Variants in SETD3 observed in about 807,000 individuals in gnomAD.
SETD3 encodes actin-histidine N-methyltransferase.
SETD3 carries 19 observed loss-of-function variants against 63.0 expected under a neutral mutation model. The ratio of observed to expected loss-of-function variants is 0.30; its 90% CI spans 0.21 to 0.44. The LOEUF is 0.44. Ranked by LOEUF, SETD3 falls within the 20% of genes least tolerant of loss-of-function variation. The pLI is 1.00. For missense variants in SETD3, 587 were observed against 728.5 expected, an observed-to-expected ratio of 0.81 and a Z score of 2.24; for synonymous variants, 286 against 264.1, an observed-to-expected ratio of 1.08 and a Z score of -0.80.
At chr14:99,473,176 T>C in intron 1 of SETD3, among the ~76,000 whole-genome samples, 1 of 152,226 alleles carries the variant, frequency 6.6e-6, no homozygotes, top group African/African-American at 2.4e-5. Flanking sequence ...CAGGGGCATC[T>C]GTAATCAACC....
At chr14:99,419,164 G>C (rs1205127026) in intron 6 of SETD3, among the ~76,000 whole-genome samples, 1 of 151,796 alleles carries the variant, frequency 6.6e-6, no homozygotes, top group Non-Finnish European at 1.5e-5. Context: ...AACTCTTCAG[G>C]GAATTTTTCA....
rs1226427707 is a variant in SETD3, at chr14:99,397,926, C to A, written c.*753G>T. 2 of 152,458 alleles carry A rather than the reference C, an allele frequency of 1.3e-5. 1 individual carries two copies. The highest frequency in any genetic ancestry group is 4.1e-4 in the South Asian group (2 of 4,820). 9.4% of individuals were successfully genotyped at this position (152,458 alleles called of 1,614,324 possible). Reference sequence around the variant, plus strand: ...ATTACCAAGGCTGGAATCAAATGCACCACTTTAAAATCAGAGCCAACATTT... The same window carrying A: ...ATTACCAAGGCTGGAATCAAATGCAACACTTTAAAATCAGAGCCAACATTT... On this transcript the variant is annotated 3_prime_UTR_variant, in exon 13 of 13. Coordinates refer to ENST00000331768, the MANE Select transcript of SETD3 (RefSeq NM_032233.3).
At chr14:99,402,749 A>AC in intron 11 of SETD3, among the ~76,000 whole-genome samples, 1 of 152,268 alleles carries the variant, frequency 6.6e-6, no homozygotes, top group Admixed American at 6.5e-5. Flanking sequence ...GCTAATACTT[A>AC]CCCTCTTTGA....
chr14:99,413,740 G>A, intron 7 of SETD3, 136 bp downstream of exon 7: 1 of 781,278 alleles, frequency 1.3e-6, no homozygotes, highest in Non-Finnish European at 2.1e-6. Context: ...GATAACTTCT[G>A]AAAGATGAGC....
chr14:99,469,781 A>C (rs946240530), intron 1 of SETD3, among the ~76,000 whole-genome samples: 7 of 152,264 alleles, frequency 4.6e-5, no homozygotes, highest in African/African-American at 1.4e-4. Flanking sequence ...ATAGTGCACG[A>C]ATTCATGGAC....
intron 1 of SETD3, among the ~76,000 whole-genome samples, chr14:99,480,257 G>A (rs1052547916): frequency 6.6e-6 from 1 of 152,092 alleles, no homozygotes; most frequent in South Asian, 2.1e-4. Context: ...GAGGAAGGAA[G>A]GAAATGGGAG....
intron 6 of SETD3, among the ~76,000 whole-genome samples, chr14:99,454,268 C>T (rs781697842): frequency 3.9e-5 from 6 of 152,028 alleles, no homozygotes; most frequent in Non-Finnish European, 7.4e-5. Flanking sequence ...TAGATCACTG[C>T]AGCCTTGACC....
chr14:99,468,196 A>G (rs1466335057), intron 1 of SETD3, among the ~76,000 whole-genome samples: 1 of 147,976 alleles, frequency 6.8e-6, no homozygotes, highest in Admixed American at 6.7e-5. Context: ...CAGGTCTTCC[A>G]GATCAAATAC....
chr14:99,418,345 A>T (rs1402518863), intron 6 of SETD3, among the ~76,000 whole-genome samples: 1 of 152,116 alleles, frequency 6.6e-6, no homozygotes, highest in African/African-American at 2.4e-5. Flanking sequence ...CATACATTAA[A>T]AGAGATAGTC....
intron 6 of SETD3, among the ~76,000 whole-genome samples, chr14:99,445,823 A>C (rs1032746111): frequency 6.6e-6 from 1 of 152,254 alleles, no homozygotes; most frequent in Admixed American, 6.5e-5. Context: ...GTCCCAGAGG[A>C]TAGAGAATCT....
intron 8 of SETD3, among the ~76,000 whole-genome samples, chr14:99,410,693 A>G (rs1470011253): frequency 6.6e-6 from 1 of 152,352 alleles, no homozygotes; most frequent in East Asian, 1.9e-4. Flanking sequence ...CTGAGTGGCT[A>G]GGAAATTAGT....
rs143767093 is a variant in SETD3, at chr14:99,406,560, G to T, written c.880C>A (p.Arg294Ser). Reference sequence around the variant, plus strand: ...TCCTGCAGAGCCACACACTCACAGCGGTCATCTTCCAGGTTGTAACCAGTA... The same window carrying T: ...TCCTGCAGAGCCACACACTCACAGCTGTCATCTTCCAGGTTGTAACCAGTA... Reference protein sequence around the residue: ...ITTGYNLEDDRCECVALQDFR... With the variant: ...ITTGYNLEDDSCECVALQDFR... Residue 294 changes from arginine to serine, a missense_variant, in exon 9 of 13, where the codon CGC becomes AGC. Transcript: ENST00000331768. The T allele has an allele frequency of 2.5e-6, 4 of 1,614,044 alleles. No homozygotes were observed. The highest frequency in any genetic ancestry group is 3.4e-6 in the Non-Finnish European group (4 of 1,180,044).
intron 6 of SETD3, among the ~76,000 whole-genome samples, chr14:99,419,781 A>G (rs531133313): frequency 4.7e-4 from 70 of 150,096 alleles, no homozygotes; most frequent in African/African-American, 1.6e-3. Context: ...TCTCAAAAAA[A>G]AAAACAAAAA....
At chr14:99,477,606 T>C (rs538287731) in intron 1 of SETD3, among the ~76,000 whole-genome samples, 4 of 151,920 alleles carry the variant, frequency 2.6e-5, no homozygotes, top group African/African-American at 7.2e-5. Context: ...AATACAAAAT[T>C]AGCCAGGCGT....
At chr14:99,407,273 G>C (rs552081602) in intron 8 of SETD3, among the ~76,000 whole-genome samples, 1 of 152,022 alleles carries the variant, frequency 6.6e-6, no homozygotes, top group Non-Finnish European at 1.5e-5. Context: ...CTCCTTCTAA[G>C]CTCCCCCGTC....
At chr14:99,423,398 T>A (rs1415603001) in intron 6 of SETD3, among the ~76,000 whole-genome samples, 2 of 151,862 alleles carry the variant, frequency 1.3e-5, no homozygotes, top group African/African-American at 4.8e-5. Context: ...TAGAATGGTA[T>A]TATAGTAAGT....
intron 8 of SETD3, among the ~76,000 whole-genome samples, chr14:99,406,892 T>C (rs1314942040): frequency 2.0e-5 from 3 of 152,240 alleles, no homozygotes; most frequent in African/African-American, 7.2e-5. Context: ...TGGGCCTCCC[T>C]GGTGGCAGTG....
chr14:99,402,323 C>G (rs1891431851), intron 11 of SETD3, among the ~76,000 whole-genome samples: 1 of 152,204 alleles, frequency 6.6e-6, no homozygotes, highest in African/African-American at 2.4e-5. Context: ...CACGTGGGCT[C>G]TGGAGTTAAC....
intron 6 of SETD3, among the ~76,000 whole-genome samples, chr14:99,423,063 T>C (rs1404848248): frequency 6.6e-6 from 1 of 152,138 alleles, no homozygotes; most frequent in African/African-American, 2.4e-5. Flanking sequence ...GTTCAAAAGG[T>C]ACCAATCAAA....
Sources: allele counts gnomAD v4.1 joint callset (sites outside exome capture counted in the v4.1 genomes callset), GRCh38; gene constraint gnomAD v4.1.1; transcripts MANE v1.5; gene names NCBI Gene and HGNC (gene_info 2026-07-23, HGNC 2026-07-21).